Variants in CDK14 observed in about 807,000 individuals in gnomAD.
CDK14 encodes cyclin-dependent kinase 14.
In CDK14, 34 loss-of-function variants were observed where a neutral mutation model predicts 60.7. The observed-to-expected ratio is 0.56, with a 90% CI of 0.43 to 0.75. The LOEUF (loss-of-function observed/expected upper bound fraction) is 0.75. Ranked by LOEUF, CDK14 falls within the 30% of genes least tolerant of loss-of-function variation. The probability of loss-of-function intolerance (pLI) is 0.00; values close to 1 mark genes in which losing one functional copy is unlikely to be tolerated. For synonymous variants in CDK14, 197 were observed against 203.7 expected (o/e 0.97, Z 0.28); for missense variants, 482 against 564.1 (o/e 0.85, Z 1.47).
intron 13 of CDK14, among the ~76,000 whole-genome samples, chr7:91,114,608 T>TTAAA (rs1330876926): frequency 2.6e-5 from 4 of 152,168 alleles, no homozygotes; most frequent in Non-Finnish European, 5.9e-5. Context: ...TTGCATAACG[T>TTAAA]TAAACATCAG....
intron 5 of CDK14, among the ~76,000 whole-genome samples, chr7:90,804,964 CTTATG>C (rs926092604): frequency 7.6e-4 from 116 of 152,122 alleles, no homozygotes; most frequent in African/African-American, 2.6e-3. Context: ...TTCACCAAAT[CTTATG>C]TTATATGTAG....
intron 4 of CDK14, among the ~76,000 whole-genome samples, chr7:90,754,454 C>T (rs1803975355): frequency 6.6e-6 from 1 of 152,094 alleles, no homozygotes; most frequent in South Asian, 2.1e-4. Context: ...TGGATCCCTC[C>T]CTTTCACCAT....
At chr7:90,995,138 A>G (rs1795646363) in intron 10 of CDK14, among the ~76,000 whole-genome samples, 1 of 152,186 alleles carries the variant, frequency 6.6e-6, no homozygotes, top group Admixed American at 6.5e-5. Flanking sequence ...ATGATGGGAT[A>G]TCACTTCTGA....
chr7:90,645,540 T>A (rs552952013), intron 2 of CDK14, among the ~76,000 whole-genome samples: 228 of 152,312 alleles, frequency 1.5e-3, no homozygotes, highest in African/African-American at 5.2e-3. Flanking sequence ...TTTTTTTCTT[T>A]AATCTCATGA....
At chr7:90,768,659 G>T (rs1197170251) in intron 4 of CDK14, among the ~76,000 whole-genome samples, 1 of 152,050 alleles carries the variant, frequency 6.6e-6, no homozygotes, top group East Asian at 1.9e-4. Flanking sequence ...ACTCAAAATT[G>T]GTGATTTTTA....
At chr7:91,180,203 A>T (rs1222830817) in intron 14 of CDK14, among the ~76,000 whole-genome samples, 1 of 152,234 alleles carries the variant, frequency 6.6e-6, no homozygotes, top group Admixed American at 6.5e-5. Context: ...AGTAAGCATG[A>T]TCATTAATGC....
At chr7:91,104,920 T>C (rs562071787) in intron 12 of CDK14, among the ~76,000 whole-genome samples, 42 of 152,324 alleles carry the variant, frequency 2.8e-4, no homozygotes, top group African/African-American at 8.7e-4. Context: ...ATTTTGTGAT[T>C]ATTCCAGGGA....
chr7:90,728,516 T>A (rs1377312024), intron 3 of CDK14, among the ~76,000 whole-genome samples: 1 of 152,122 alleles, frequency 6.6e-6, no homozygotes, highest in Non-Finnish European at 1.5e-5. Flanking sequence ...CTTTGAATGC[T>A]CTTTTAAAAA....
intron 10 of CDK14, among the ~76,000 whole-genome samples, chr7:91,038,986 G>A (rs1338391046): frequency 2.0e-5 from 3 of 152,080 alleles, no homozygotes; most frequent in Admixed American, 2.0e-4. Context: ...CATGAAAATG[G>A]ACTAATACAG....
chr7:90,877,045 G>T (rs1349551383), intron 6 of CDK14, among the ~76,000 whole-genome samples: 2 of 152,056 alleles, frequency 1.3e-5, no homozygotes, highest in African/African-American at 4.8e-5. Context: ...CTGGTTAGTT[G>T]TTGGTTTGTT....
intron 2 of CDK14, among the ~76,000 whole-genome samples, chr7:90,604,658 A>G (rs887754717): frequency 3.2e-4 from 48 of 152,060 alleles, no homozygotes; most frequent in African/African-American, 1.2e-3. Flanking sequence ...GATGCCACAT[A>G]TTGTCTGTCA....
chr7:90,757,960 A>T (rs975702195), intron 4 of CDK14, among the ~76,000 whole-genome samples: 6 of 152,146 alleles, frequency 3.9e-5, no homozygotes, highest in Admixed American at 2.0e-4. Flanking sequence ...TAGAAGCTTG[A>T]GGAGGAATAG....
chr7:91,135,548 T>C (rs1800254743), intron 14 of CDK14, among the ~76,000 whole-genome samples: 3 of 152,176 alleles, frequency 2.0e-5, no homozygotes, highest in South Asian at 2.1e-4. Context: ...AGCATTTGCA[T>C]ACTTTTCCTG....
At chr7:90,684,748 G>T (rs376772546) in intron 2 of CDK14, among the ~76,000 whole-genome samples, 1 of 152,048 alleles carries the variant, frequency 6.6e-6, no homozygotes, top group Non-Finnish European at 1.5e-5. Context: ...CCATCACACC[G>T]TGTTTATGGT....
At chr7:90,694,449 A>G (rs1323093260) in intron 2 of CDK14, among the ~76,000 whole-genome samples, 2 of 152,174 alleles carry the variant, frequency 1.3e-5, no homozygotes, top group Non-Finnish European at 2.9e-5. Flanking sequence ...AGGTATTGAA[A>G]TCAAGCCTAT....
At chr7:91,076,681 A>T (rs1425186710) in intron 11 of CDK14, among the ~76,000 whole-genome samples, 7 of 152,254 alleles carry the variant, frequency 4.6e-5, no homozygotes, top group Admixed American at 4.6e-4. Flanking sequence ...GCTTCTGCAC[A>T]GCAAAAGAAT....
intron 3 of CDK14, among the ~76,000 whole-genome samples, chr7:90,744,080 A>G (rs1341211530): frequency 1.3e-5 from 2 of 152,086 alleles, no homozygotes; most frequent in Non-Finnish European, 2.9e-5. Context: ...GCAGGGTCAT[A>G]GGACAATAGT....
intron 4 of CDK14, 61 bp from the exon 5 acceptor site, chr7:90,790,512 A>C (rs976900934): frequency 1.9e-6 from 2 of 1,037,910 alleles, no homozygotes; most frequent in Non-Finnish European, 2.9e-6. Flanking sequence ...TATAAGGAAG[A>C]CAATTAGAAC....
intron 5 of CDK14, among the ~76,000 whole-genome samples, chr7:90,851,529 T>A (rs1278917401): frequency 6.6e-6 from 1 of 152,174 alleles, no homozygotes; most frequent in African/African-American, 2.4e-5. Context: ...GCAGGTTGTA[T>A]GAGCAGGAGC....
Sources: gnomAD v4.1 joint callset for allele counts (sites outside exome capture counted in the v4.1 genomes callset) on GRCh38, gnomAD v4.1.1 for gene constraint, MANE v1.5 for transcripts, NCBI Gene and HGNC (gene_info 2026-07-23, HGNC 2026-07-21) for gene names.